ANKS1B: variants seen among roughly 807,000 people sequenced by gnomAD.
The protein encoded by ANKS1B is ankyrin repeat and sterile alpha motif domain containing 1B, also known as ankyrin repeat and sterile alpha motif domain-containing protein 1B.
A neutral mutation model predicts 148.3 loss-of-function variants in ANKS1B; 36 were observed. That is an observed-to-expected ratio of 0.24 (90% CI 0.19 to 0.32). The LOEUF is 0.32. Among genes scored for constraint, ANKS1B ranks in the 10% least tolerant of loss-of-function variants. The pLI is 1.00. For synonymous variants in ANKS1B, 542 were observed against 560.8 expected, an observed-to-expected ratio of 0.97 and a Z score of 0.47; for missense variants, 1,157 against 1,542.6, an observed-to-expected ratio of 0.75 and a Z score of 4.19.
At chr12:98,970,488 A>G (rs2099882260) in intron 17 of ANKS1B, among the ~76,000 whole-genome samples, 1 of 152,250 alleles carries the variant, frequency 6.6e-6, no homozygotes, top group South Asian at 2.1e-4. Context: ...GAAAATAGAA[A>G]TGATATCAGT....
At chr12:98,975,408 T>A in intron 17 of ANKS1B, among the ~76,000 whole-genome samples, 1 of 151,358 alleles carries the variant, frequency 6.6e-6, no homozygotes. Context: ...CTGCCTGACT[T>A]CCTTTCTTCC....
intron 17 of ANKS1B, among the ~76,000 whole-genome samples, chr12:98,889,603 T>A (rs2152644878): frequency 6.6e-6 from 1 of 152,312 alleles, no homozygotes; most frequent in African/African-American, 2.4e-5. Context: ...TGCCTCAGCA[T>A]CTAAAGTGCT....
At chr12:99,793,659 C>A (rs879633879) in intron 4 of ANKS1B, among the ~76,000 whole-genome samples, 1 of 152,000 alleles carries the variant, frequency 6.6e-6, no homozygotes, top group African/African-American at 2.4e-5. Flanking sequence ...TCACAATATA[C>A]AAAAATCAAA....
chr12:98,894,920 G>C, intron 17 of ANKS1B: 1 of 926,010 alleles, frequency 1.1e-6, no homozygotes, highest in Non-Finnish European at 1.3e-6. Context: ...CGCGCGGCGC[G>C]TGCCCCCCAC....
At chr12:98,882,841 A>G (rs2099714059) in intron 17 of ANKS1B, among the ~76,000 whole-genome samples, 1 of 152,204 alleles carries the variant, frequency 6.6e-6, no homozygotes, top group South Asian at 2.1e-4. Context: ...CAAAATGTAT[A>G]TTAAGATACA....
intron 17 of ANKS1B, among the ~76,000 whole-genome samples, chr12:98,898,895 C>A (rs574758639): frequency 6.6e-6 from 1 of 152,038 alleles, no homozygotes; most frequent in Non-Finnish European, 1.5e-5. Flanking sequence ...AGAATGCAAC[C>A]GTCAACATAA....
chr12:99,489,705 T>C (rs1035267887), intron 10 of ANKS1B, among the ~76,000 whole-genome samples: 3 of 152,216 alleles, frequency 2.0e-5, no homozygotes, highest in Non-Finnish European at 4.4e-5. Context: ...TAAAGGTCAG[T>C]TAGTTTCAAA....
intron 15 of ANKS1B, chr12:99,097,441 C>T (rs144423517): frequency 2.3e-3 from 350 of 151,852 alleles, no homozygotes; most frequent in African/African-American, 7.9e-3. Context: ...ATTTCCTATC[C>T]GGCAGGAAAA....
chr12:98,858,560 G>T (rs959898504), intron 17 of ANKS1B, among the ~76,000 whole-genome samples: 2 of 152,176 alleles, frequency 1.3e-5, no homozygotes, highest in African/African-American at 4.8e-5. Context: ...GGCTGGTCTT[G>T]AATTCCTGGG....
chr12:99,228,112 T>C (rs1012756965), intron 14 of ANKS1B, among the ~76,000 whole-genome samples: 13 of 151,542 alleles, frequency 8.6e-5, no homozygotes, highest in Non-Finnish European at 5.9e-5. Flanking sequence ...ATTATAGAGC[T>C]GGAAAAGATC....
At chr12:99,397,906 T>C (rs1158102431) in intron 12 of ANKS1B, among the ~76,000 whole-genome samples, 1 of 152,046 alleles carries the variant, frequency 6.6e-6, no homozygotes, top group African/African-American at 2.4e-5. Context: ...TAAATGACAC[T>C]TAGGCACATG....
chr12:98,744,938 G>C lies in ANKS1B; in HGVS notation c.*801C>G. 1 of 985,614 alleles carries C rather than the reference G, an allele frequency of 1.0e-6. No homozygotes were observed. The highest frequency in any genetic ancestry group is 1.2e-6 in the Non-Finnish European group (1 of 829,892). The allele number at this position is 985,614 out of a possible 1,614,324, so 61.1% of individuals were successfully genotyped here. On this transcript the variant is annotated 3_prime_UTR_variant, in exon 27 of 27. Transcript: ENST00000683438. ...TTGCCACCACTGAGCCAGTCCTCTT[G>C]GTAGTAGCAGTAGAAATTTAATTAT... is the stretch of plus-strand genomic sequence containing the variant.
intron 14 of ANKS1B, among the ~76,000 whole-genome samples, chr12:99,182,344 A>T (rs368369806): frequency 8.5e-5 from 13 of 152,300 alleles, no homozygotes; most frequent in South Asian, 8.3e-4. Flanking sequence ...CCATATCATC[A>T]TCTTACTCTC....
intron 17 of ANKS1B, among the ~76,000 whole-genome samples, chr12:98,916,376 T>C (rs1454126275): frequency 6.6e-6 from 1 of 152,202 alleles, no homozygotes; most frequent in East Asian, 1.9e-4. Flanking sequence ...CTGCTCTCCA[T>C]TCTGACAGCC....
At chr12:99,649,485 G>A in intron 9 of ANKS1B, 2 of 1,036,406 alleles carry the variant, frequency 1.9e-6, no homozygotes, top group Non-Finnish European at 3.0e-6. Context: ...GAAGGGGCAG[G>A]GTAGCAACAG....
At chr12:99,728,801 A>G (rs1238300982) in intron 8 of ANKS1B, among the ~76,000 whole-genome samples, 1 of 152,208 alleles carries the variant, frequency 6.6e-6, no homozygotes, top group Non-Finnish European at 1.5e-5. Flanking sequence ...AAAAGAAATG[A>G]GACCTTGTCC....
At chr12:99,254,868 T>G in intron 12 of ANKS1B, among the ~76,000 whole-genome samples, 1 of 152,226 alleles carries the variant, frequency 6.6e-6, no homozygotes. Context: ...ATAAACTCAG[T>G]GTGGTCATAA....
chr12:98,910,639 AG>A (rs1247674543), intron 17 of ANKS1B, among the ~76,000 whole-genome samples: 1 of 152,230 alleles, frequency 6.6e-6, no homozygotes, highest in Non-Finnish European at 1.5e-5. Flanking sequence ...AAATCAGCAG[AG>A]GAAACAATCC....
chr12:98,940,766 A>T (rs1465454514), intron 17 of ANKS1B, among the ~76,000 whole-genome samples: 2 of 152,216 alleles, frequency 1.3e-5, no homozygotes, highest in South Asian at 4.1e-4. Context: ...ACATATGTAT[A>T]AGAATGTTCT....
Sources: allele counts gnomAD v4.1 joint callset (sites outside exome capture counted in the v4.1 genomes callset), GRCh38; gene constraint gnomAD v4.1.1; transcripts MANE v1.5; gene names NCBI Gene and HGNC (gene_info 2026-07-23, HGNC 2026-07-21).